AAMDC: variants seen among roughly 807,000 people sequenced by gnomAD.
The protein encoded by AAMDC is adipogenesis associated Mth938 domain containing.
A neutral mutation model predicts 15.5 loss-of-function variants in AAMDC; 16 were observed. The ratio of observed to expected loss-of-function variants is 1.03; its 90% CI spans 0.70 to 1.57. AAMDC has a LOEUF of 1.57. Among genes scored for constraint, AAMDC ranks in the 40% most tolerant of loss-of-function variants. The pLI is 0.00. For missense variants in AAMDC, 141 were observed against 144.9 expected, an observed-to-expected ratio of 0.97 and a Z score of 0.14; for synonymous variants, 51 against 51.6, an observed-to-expected ratio of 0.99 and a Z score of 0.05.
chr11:77,872,079 CT>C, intron 3 of AAMDC, 95 bp from the exon 4 acceptor site: 1 of 1,326,178 alleles, frequency 7.5e-7, no homozygotes, highest in Admixed American at 2.7e-5. Flanking sequence ...ACGATTGTCA[CT>C]GTCTAATTCT....
At chr11:77,891,654 G>A (rs1283347937) in intron 5 of AAMDC, 21 of 1,610,820 alleles carry the variant, frequency 1.3e-5, no homozygotes, top group Non-Finnish European at 1.7e-5. Flanking sequence ...GACAGATTTG[G>A]CCTACAGGGG....
chr11:77,847,268 T>C (rs1950184933), intron 2 of AAMDC, among the ~76,000 whole-genome samples: 1 of 152,258 alleles, frequency 6.6e-6, no homozygotes. Context: ...AATTTCCCTT[T>C]GCTTTCTGCA....
At chr11:77,843,680 T>C (rs1443596580) in intron 2 of AAMDC, among the ~76,000 whole-genome samples, 3 of 152,210 alleles carry the variant, frequency 2.0e-5, no homozygotes, top group Non-Finnish European at 4.4e-5. Flanking sequence ...TATTTATTTC[T>C]CACAGTTCTG....
intron 1 of AAMDC, among the ~76,000 whole-genome samples, chr11:77,835,227 C>T (rs1321415883): frequency 6.6e-6 from 1 of 152,054 alleles, no homozygotes; most frequent in Non-Finnish European, 1.5e-5. Flanking sequence ...GGACACCAGA[C>T]ATATACCCTT....
chr11:77,891,022 A>T (rs1203584897), intron 5 of AAMDC, among the ~76,000 whole-genome samples: 2 of 152,194 alleles, frequency 1.3e-5, no homozygotes, highest in Non-Finnish European at 2.9e-5. Context: ...AGATTAGAAA[A>T]GGTCTTATCA....
chr11:77,882,676 C>T (rs1272618958), intron 5 of AAMDC, among the ~76,000 whole-genome samples: 1 of 152,168 alleles, frequency 6.6e-6, no homozygotes, highest in Non-Finnish European at 1.5e-5. Context: ...GCTCCCTCAA[C>T]TACACCAGGC....
intron 1 of AAMDC, chr11:77,829,668 TA>T (rs1949331969): frequency 6.6e-6 from 1 of 152,138 alleles, no homozygotes; most frequent in Non-Finnish European, 1.5e-5. Context: ...AAAACAAGGG[TA>T]AATCTTTAAG....
intron 5 of AAMDC, among the ~76,000 whole-genome samples, chr11:77,880,424 A>T (rs747642906): frequency 6.6e-6 from 1 of 152,218 alleles, no homozygotes; most frequent in African/African-American, 2.4e-5. Flanking sequence ...CAGCCTCATC[A>T]TCAAGTACCA....
intron 1 of AAMDC, among the ~76,000 whole-genome samples, chr11:77,838,552 GTCTGTCAATATTTATAGTCA>G (rs1211116590): frequency 2.0e-5 from 3 of 150,846 alleles, no homozygotes; most frequent in Non-Finnish European, 4.4e-5. Flanking sequence ...TTTGAAACAA[GTCTGTCAATATTTATAGTCA>G]TCTGCTTCTG....
intron 5 of AAMDC, chr11:77,891,222 T>C (rs1952247145): frequency 8.7e-7 from 1 of 1,149,278 alleles, no homozygotes; most frequent in African/African-American, 1.6e-5. Context: ...CCTGTCCCAG[T>C]TTCTGTCCCT....
chr11:77,833,032 G>A (rs1949524762), intron 1 of AAMDC, among the ~76,000 whole-genome samples: 1 of 41,002 alleles, frequency 2.4e-5, no homozygotes, highest in Non-Finnish European at 4.2e-5. Context: ...TTTTTTTTGA[G>A]ACAGGGTCTC....
intron 1 of AAMDC, among the ~76,000 whole-genome samples, chr11:77,832,820 C>T (rs1396567268): frequency 1.3e-5 from 2 of 151,742 alleles, no homozygotes; most frequent in Non-Finnish European, 2.9e-5. Context: ...TGCTCTGTAA[C>T]AGCAGTCCCT....
intron 2 of AAMDC, among the ~76,000 whole-genome samples, chr11:77,859,362 G>A (rs1590961983): frequency 6.6e-6 from 1 of 152,138 alleles, no homozygotes; most frequent in South Asian, 2.1e-4. Flanking sequence ...GTGTAAGACT[G>A]CTACCTCTTT....
chr11:77,839,458 C>T (rs1317579015), intron 1 of AAMDC, among the ~76,000 whole-genome samples: 3 of 152,222 alleles, frequency 2.0e-5, no homozygotes, highest in Admixed American at 1.3e-4. Flanking sequence ...ACCCACCAAT[C>T]CCATTACTGG....
chr11:77,853,044 G>C (rs1950466985), intron 2 of AAMDC, among the ~76,000 whole-genome samples: 1 of 152,046 alleles, frequency 6.6e-6, no homozygotes, highest in South Asian at 2.1e-4. Flanking sequence ...TGTATATCCA[G>C]GGTAAATTTT....
chr11:77,858,299 A>ATTTTTTTTTT (rs1950717647), intron 2 of AAMDC, among the ~76,000 whole-genome samples: 1 of 91,556 alleles, frequency 1.1e-5, no homozygotes. Context: ...CGTTTAAGCA[A>ATTTTTTTTTT]TTCTTTTTTT....
chr11:77,841,327 C>T (rs1356013099), intron 1 of AAMDC: 8 of 670,300 alleles, frequency 1.2e-5, no homozygotes, highest in Non-Finnish European at 1.6e-5. Flanking sequence ...TATGAATTCT[C>T]CCATGCAATA....
At chr11:77,873,124 T>A (rs1565215225), downstream of AAMDC, among the ~76,000 whole-genome samples, 1 of 152,206 alleles carries the variant, frequency 6.6e-6, no homozygotes, top group Non-Finnish European at 1.5e-5. Flanking sequence ...AATTTTTCTT[T>A]CTTTTTAAAG....
downstream of AAMDC, chr11:77,903,731 T>C: frequency 1.4e-6 from 1 of 707,014 alleles, no homozygotes; most frequent in Non-Finnish European, 2.4e-6. Context: ...ACATGACTTC[T>C]CAATTGATCT....
Sources: gnomAD v4.1 joint callset for allele counts (sites outside exome capture counted in the v4.1 genomes callset) on GRCh38, gnomAD v4.1.1 for gene constraint, MANE v1.5 for transcripts, NCBI Gene and HGNC (gene_info 2026-07-23, HGNC 2026-07-21) for gene names.